PDGFD: variants seen among roughly 807,000 people sequenced by gnomAD.
PDGFD encodes the protein platelet-derived growth factor D.
PDGFD carries 30 observed loss-of-function variants against 44.7 expected under a neutral mutation model. The observed-to-expected ratio is 0.67, with a 90% CI of 0.50 to 0.91. The LOEUF is 0.91. Among genes scored for constraint, PDGFD ranks in the 40% least tolerant of loss-of-function variants. PDGFD has a pLI of 0.00. For synonymous variants in PDGFD, 173 were observed against 168.4 expected, an observed-to-expected ratio of 1.03 and a Z score of -0.21; for missense variants, 445 against 457.8, an observed-to-expected ratio of 0.97 and a Z score of 0.25.
At chr11:104,144,272 C>T (rs1049382801) in intron 1 of PDGFD, among the ~76,000 whole-genome samples, 4 of 151,904 alleles carry the variant, frequency 2.6e-5, no homozygotes, top group African/African-American at 7.3e-5. Flanking sequence ...GTCCAGAGGC[C>T]GAAGTGGGTG....
intron 1 of PDGFD, among the ~76,000 whole-genome samples, chr11:104,108,152 G>A (rs1452998257): frequency 1.3e-5 from 2 of 152,080 alleles, no homozygotes; most frequent in East Asian, 3.9e-4. Flanking sequence ...AAGAGGTCTT[G>A]GTGCTTAAGA....
intron 6 of PDGFD, among the ~76,000 whole-genome samples, chr11:103,924,109 A>G (rs1444717046): frequency 6.6e-6 from 1 of 152,152 alleles, no homozygotes; most frequent in Admixed American, 6.5e-5. Flanking sequence ...CTGGGAGGCA[A>G]GGGTCTTTGG....
intron 5 of PDGFD, among the ~76,000 whole-genome samples, chr11:103,935,795 T>G (rs969026704): frequency 6.6e-6 from 1 of 152,176 alleles, no homozygotes; most frequent in African/African-American, 2.4e-5. Context: ...TTTCATTACC[T>G]AATCCTAACA....
chr11:104,095,472 C>T (rs1475614540), intron 1 of PDGFD, among the ~76,000 whole-genome samples: 1 of 152,106 alleles, frequency 6.6e-6, no homozygotes, highest in Non-Finnish European at 1.5e-5. Flanking sequence ...CTAACAAGCT[C>T]CTGCTTTCAG....
intron 1 of PDGFD, among the ~76,000 whole-genome samples, chr11:104,115,456 G>A (rs961585335): frequency 4.6e-5 from 7 of 151,674 alleles, no homozygotes; most frequent in Non-Finnish European, 1.0e-4. Context: ...ATTTGGGTTT[G>A]TTACATGATT....
chr11:104,055,767 G>T (rs750741613), intron 1 of PDGFD, among the ~76,000 whole-genome samples: 7 of 152,080 alleles, frequency 4.6e-5, no homozygotes, highest in Non-Finnish European at 8.8e-5. Context: ...GATCTAATGT[G>T]CTATAGAAAT....
At position 103,984,736 on chromosome 11, in the gene PDGFD, T is replaced by A. The variant is rs1023391191; in HGVS notation, c.510+11329A>T. ...TTAAAAAAACAGTAACTTGAGTACTTGATGGAGAGGAAGTTCATGTGGCTG... is the reference window on the plus strand; with the variant it reads ...TTAAAAAAACAGTAACTTGAGTACTAGATGGAGAGGAAGTTCATGTGGCTG... On this transcript the variant is annotated intron_variant, in intron 3 of 6. Coordinates refer to ENST00000393158, the MANE Select transcript of PDGFD (RefSeq NM_025208.5). Among the ~76,000 whole-genome samples the A allele has an allele frequency of 6.7e-5, 10 of 149,228 alleles. 1 individual carries two copies. The highest frequency in any genetic ancestry group is 2.0e-4 in the African/African-American group (8 of 40,296).
chr11:104,039,851 T>A (rs1860319124), intron 1 of PDGFD, among the ~76,000 whole-genome samples: 1 of 152,176 alleles, frequency 6.6e-6, no homozygotes, highest in Non-Finnish European at 1.5e-5. Flanking sequence ...AAAGGTCTTA[T>A]TTGCATATAT....
chr11:104,031,295 G>GA (rs1350270117), intron 1 of PDGFD, among the ~76,000 whole-genome samples: 13 of 151,864 alleles, frequency 8.6e-5, no homozygotes, highest in Non-Finnish European at 1.8e-4. Flanking sequence ...ACCTTTACAA[G>GA]AAAAAACAAA....
chr11:103,982,443 G>C (rs1859285511), intron 3 of PDGFD, among the ~76,000 whole-genome samples: 1 of 151,594 alleles, frequency 6.6e-6, no homozygotes, highest in Admixed American at 6.6e-5. Flanking sequence ...GAGATAGTGA[G>C]GCATGTATGT....
intron 1 of PDGFD, among the ~76,000 whole-genome samples, chr11:104,108,269 C>A (rs1861497573): frequency 6.6e-6 from 1 of 151,998 alleles, no homozygotes; most frequent in East Asian, 1.9e-4. Context: ...GAATACGCAA[C>A]CTACAGAATG....
chr11:104,005,084 G>T (rs1405462683), intron 1 of PDGFD, among the ~76,000 whole-genome samples: 1 of 151,882 alleles, frequency 6.6e-6, no homozygotes, highest in Non-Finnish European at 1.5e-5. Context: ...TCACCATGTT[G>T]GCCAGGCTGG....
chr11:103,950,926 T>G (rs1054917862), intron 3 of PDGFD, among the ~76,000 whole-genome samples: 4 of 152,310 alleles, frequency 2.6e-5, no homozygotes, highest in Middle Eastern at 3.4e-3. Context: ...TTTCCTTGCA[T>G]AGACACATGG....
At chr11:104,036,539 A>G (rs1336170010) in intron 1 of PDGFD, 7 of 481,784 alleles carry the variant, frequency 1.5e-5, no homozygotes, top group African/African-American at 1.9e-5. Context: ...GCCATCGTGT[A>G]TCCATGGGAG....
At chr11:104,161,945 A>AAG (rs111479124) in intron 1 of PDGFD, among the ~76,000 whole-genome samples, 1,824 of 137,730 alleles carry the variant, frequency 0.013, 42 homozygotes, top group African/African-American at 0.043. Context: ...GAACTAATCA[A>AAG]AGAGAGTGTG....
intron 1 of PDGFD, among the ~76,000 whole-genome samples, chr11:104,134,822 T>C (rs1416324969): frequency 6.6e-6 from 1 of 152,176 alleles, no homozygotes; most frequent in African/African-American, 2.4e-5. Flanking sequence ...ACATCTGCAG[T>C]CTCCTTTCTG....
In PDGFD at chr11:103,996,071, A is replaced by C. The variant is rs780706145; in HGVS notation, c.504T>G (p.Ser168=). Residue 168 remains serine, a synonymous_variant, in exon 3 of 7, where the codon TCT becomes TCG. Transcript: ENST00000393158. ...AAAGTGGTTAAGTACTCACCAGCAA[A>C]GAATAATAAATCTTGAATCCAGGTT... The part of the protein sequence containing the change: ...VAKPGFKIYY[S]LLEDFQPAAA... The C allele has an allele frequency of 6.2e-7, 1 of 1,612,974 alleles. No individual in the cohort carries two copies. The highest frequency in any genetic ancestry group is 8.5e-7 in the Non-Finnish European group (1 of 1,179,426).
At chr11:103,994,809 G>A (rs1233178334) in intron 3 of PDGFD, among the ~76,000 whole-genome samples, 1 of 151,448 alleles carries the variant, frequency 6.6e-6, no homozygotes, top group East Asian at 1.9e-4. Context: ...TTATCCAAAT[G>A]TCTCTGTGGG....
At chr11:104,093,404 A>T (rs1861238814) in intron 1 of PDGFD, among the ~76,000 whole-genome samples, 1 of 152,066 alleles carries the variant, frequency 6.6e-6, no homozygotes, top group Non-Finnish European at 1.5e-5. Context: ...ACGTGTTTTC[A>T]GATTGAATAC....
Sources: gnomAD v4.1 joint callset for allele counts (sites outside exome capture counted in the v4.1 genomes callset) on GRCh38, gnomAD v4.1.1 for gene constraint, MANE v1.5 for transcripts, NCBI Gene and HGNC (gene_info 2026-07-23, HGNC 2026-07-21) for gene names.